Variants in CEP63 observed in about 807,000 individuals in gnomAD.
CEP63 encodes centrosomal protein 63, also known as centrosomal protein of 63 kDa.
CEP63 carries 84 observed loss-of-function variants against 89.1 expected under a neutral mutation model. The ratio of observed to expected loss-of-function variants is 0.94; its 90% CI spans 0.79 to 1.13. The LOEUF (loss-of-function observed/expected upper bound fraction) is 1.13, where lower values mean the gene tolerates loss of function less well. Among genes scored for constraint, CEP63 ranks in the 50% most tolerant of loss-of-function variants. The pLI is 0.00. For synonymous variants in CEP63, 267 were observed against 272.5 expected (o/e 0.98, Z 0.20); for missense variants, 838 against 813.3 (o/e 1.03, Z -0.37).
At chr3:134,652,573 G>T in the CEP63 span, among the ~76,000 whole-genome samples, 1 of 151,842 alleles carries the variant, frequency 6.6e-6, no homozygotes, top group South Asian at 2.1e-4. Flanking sequence ...AGTGGAGATG[G>T]CTGACTTCCA....
the CEP63 span, among the ~76,000 whole-genome samples, chr3:134,714,567 C>T: frequency 1.3e-5 from 2 of 152,206 alleles, no homozygotes; most frequent in Non-Finnish European, 2.9e-5. Flanking sequence ...GGAGAAATGG[C>T]TGAGTCAGGC....
At chr3:134,766,459 G>C in the CEP63 span, among the ~76,000 whole-genome samples, 2 of 152,384 alleles carry the variant, frequency 1.3e-5, no homozygotes, top group East Asian at 3.9e-4. Flanking sequence ...TGGGACAGCA[G>C]CTCATGGCCA....
intron 11 of CEP63, among the ~76,000 whole-genome samples, chr3:134,573,803 A>AT (rs919551178): frequency 6.6e-6 from 1 of 151,972 alleles, no homozygotes; most frequent in Non-Finnish European, 1.5e-5. Context: ...GGTAATATTA[A>AT]TTTTTTTTAT....
chr3:134,688,080 T>C, the CEP63 span, among the ~76,000 whole-genome samples: 17 of 152,310 alleles, frequency 1.1e-4, no homozygotes, highest in Admixed American at 1.0e-3. Context: ...CCAAGAGAAA[T>C]GAAAACCTAA....
the CEP63 span, among the ~76,000 whole-genome samples, chr3:134,729,919 A>G: frequency 6.6e-6 from 1 of 152,156 alleles, no homozygotes; most frequent in Non-Finnish European, 1.5e-5. Flanking sequence ...CAGTGCCCTC[A>G]TTCCCTAGAT....
chr3:134,715,713 G>A, the CEP63 span, among the ~76,000 whole-genome samples: 106 of 152,096 alleles, frequency 7.0e-4, no homozygotes, highest in Non-Finnish European at 1.1e-3. Flanking sequence ...TGTTATAGGA[G>A]CCTCATGGGG....
Position 134,564,318 on chromosome 3 carries a change from C to T in CEP63, c.*2783C>T. 1.0e-6 allele frequency: 1 copy of T among 985,386 alleles called. No homozygotes were observed. The highest frequency in any genetic ancestry group is 4.7e-5 in the South Asian group (1 of 21,290). The allele number at this position is 985,386 out of a possible 1,614,324, so 61.0% of individuals were successfully genotyped here. A position where few individuals can be genotyped will look rare whatever the true frequency, so the allele number is the denominator to read the frequency against. On this transcript the variant is annotated 3_prime_UTR_variant, in exon 15 of 15. Transcript: ENST00000675561. ...GTGCATGCTGTCCTTCAGTTTGTCT[C>T]CTCTTCCCACACCCTGTCATGTGCT...
the CEP63 span, chr3:134,651,227 C>CG: frequency 1.1e-5 from 14 of 1,271,472 alleles, no homozygotes; most frequent in East Asian, 4.9e-4. Flanking sequence ...TGACCTGCAC[C>CG]GGGGCCATAG....
the CEP63 span, among the ~76,000 whole-genome samples, chr3:134,687,856 G>A: frequency 1.3e-5 from 2 of 152,132 alleles, no homozygotes; most frequent in Non-Finnish European, 2.9e-5. Context: ...TGTGTTGCTT[G>A]GCTCAGGATT....
intron 12 of CEP63, among the ~76,000 whole-genome samples, chr3:134,554,071 T>A (rs1057093140): frequency 2.6e-5 from 4 of 152,226 alleles, no homozygotes; most frequent in African/African-American, 7.2e-5. Context: ...TTGTTCTATT[T>A]TATTTTTATT....
chr3:134,722,309 TATATATACA>T, the CEP63 span, among the ~76,000 whole-genome samples: 10 of 147,694 alleles, frequency 6.8e-5, no homozygotes, highest in Non-Finnish European at 1.5e-4. Flanking sequence ...TCCTATACTG[TATATATACA>T]GTACAGTATT....
the CEP63 span, among the ~76,000 whole-genome samples, chr3:134,633,663 C>T: frequency 2.0e-5 from 3 of 152,084 alleles, no homozygotes; most frequent in Non-Finnish European, 4.4e-5. Context: ...AATGGTGAAA[C>T]ATGGTTATGC....
At chr3:134,496,974 G>A (rs1194546624) in intron 2 of CEP63, among the ~76,000 whole-genome samples, 1 of 152,074 alleles carries the variant, frequency 6.6e-6, no homozygotes, top group Non-Finnish European at 1.5e-5. Flanking sequence ...TTCTAACTGG[G>A]GTGAGATGAA....
chr3:134,486,254 G>C, intron 1 of CEP63, 52 bp downstream of exon 1: 1 of 985,616 alleles, frequency 1.0e-6, no homozygotes, highest in African/African-American at 1.7e-5. Flanking sequence ...GTAACCGCCG[G>C]TGCGCAAGTT....
At chr3:134,624,843 G>C in the CEP63 span, among the ~76,000 whole-genome samples, 4 of 152,300 alleles carry the variant, frequency 2.6e-5, no homozygotes, top group South Asian at 8.3e-4. Flanking sequence ...GATCGTGGGT[G>C]GGCTGGGGGA....
chr3:134,697,452 T>G, the CEP63 span, among the ~76,000 whole-genome samples: 3 of 152,152 alleles, frequency 2.0e-5, no homozygotes, highest in South Asian at 6.2e-4. Flanking sequence ...AAAACATGCA[T>G]GTAGATGGGC....
chr3:134,615,669 G>A, the CEP63 span, among the ~76,000 whole-genome samples: 1 of 150,172 alleles, frequency 6.7e-6, no homozygotes, highest in African/African-American at 2.5e-5. Context: ...CTATAAGGGT[G>A]GGGGAGCTAA....
chr3:134,633,786 T>C, the CEP63 span, among the ~76,000 whole-genome samples: 1 of 152,088 alleles, frequency 6.6e-6, no homozygotes, highest in Non-Finnish European at 1.5e-5. Context: ...ATAAAAGGCA[T>C]ACAGATTGGC....
the CEP63 span, among the ~76,000 whole-genome samples, chr3:134,675,004 A>C: frequency 6.6e-6 from 1 of 152,230 alleles, no homozygotes; most frequent in African/African-American, 2.4e-5. Flanking sequence ...TCCCAATCAA[A>C]ACCAGCTGCC....
Sources: allele counts gnomAD v4.1 joint callset (sites outside exome capture counted in the v4.1 genomes callset), GRCh38; gene constraint gnomAD v4.1.1; transcripts MANE v1.5; gene names NCBI Gene and HGNC (gene_info 2026-07-23, HGNC 2026-07-21).